The following NKAIN3 variants were observed in gnomAD, a reference collection of about 807,000 sequenced individuals.
NKAIN3 encodes sodium/potassium-transporting ATPase subunit beta-1-interacting protein 3.
A neutral mutation model predicts 30.2 loss-of-function variants in NKAIN3; 25 were observed. The ratio of observed to expected loss-of-function variants is 0.83; its 90% CI spans 0.60 to 1.16. The LOEUF (loss-of-function observed/expected upper bound fraction) is 1.16. Among genes scored for constraint, NKAIN3 ranks in the 50% most tolerant of loss-of-function variants. The pLI, the probability that NKAIN3 is intolerant of heterozygous loss-of-function variation, is 0.00. For synonymous variants in NKAIN3, 91 were observed against 89.6 expected (o/e 1.02, Z -0.09); for missense variants, 225 against 254.1 (o/e 0.89, Z 0.78).
intron 3 of NKAIN3, among the ~76,000 whole-genome samples, chr8:62,633,835 C>T (rs1388808624): frequency 6.6e-6 from 1 of 152,108 alleles, no homozygotes; most frequent in Non-Finnish European, 1.5e-5. Context: ...AGAAGGCAGC[C>T]ATTCCTACAA....
rs552642297 is a variant in NKAIN3 at position 62,789,844 on chromosome 8, C to G, written c.471+42715C>G. Reference sequence around the variant, plus strand: ...AATAGCATACCAATCAAAAAAAGTCCAAGGCCAGATGGATTCACAGCCGAA... The same window carrying G: ...AATAGCATACCAATCAAAAAAAGTCGAAGGCCAGATGGATTCACAGCCGAA... On this transcript the variant is annotated intron_variant, in intron 4 of 6. Coordinates refer to ENST00000623646, the MANE Select transcript of NKAIN3 (RefSeq NM_001304533.3). Among the ~76,000 whole-genome samples the G allele has an allele frequency of 2.6e-5, 4 of 152,134 alleles. No individual in the cohort carries two copies. The South Asian group carries it at 8.3e-4, about 32-fold the overall frequency.
chr8:62,507,184 A>C (rs983228347), intron 1 of NKAIN3, among the ~76,000 whole-genome samples: 1 of 152,186 alleles, frequency 6.6e-6, no homozygotes. Flanking sequence ...CAGTTTCACT[A>C]TACAAAATTG....
chr8:62,330,942 G>A (rs962205536), intron 1 of NKAIN3, among the ~76,000 whole-genome samples: 6 of 151,784 alleles, frequency 4.0e-5, no homozygotes, highest in African/African-American at 1.2e-4. Flanking sequence ...CAGTCCACAT[G>A]CTTTGGCTTG....
At chr8:62,525,025 G>T (rs532932314) in intron 1 of NKAIN3, among the ~76,000 whole-genome samples, 33 of 152,044 alleles carry the variant, frequency 2.2e-4, no homozygotes, top group Admixed American at 1.0e-3. Flanking sequence ...GGCTACTGTG[G>T]TAGGGGTTGG....
intron 1 of NKAIN3, among the ~76,000 whole-genome samples, chr8:62,371,176 C>T (rs183312620): frequency 2.0e-5 from 3 of 151,922 alleles, no homozygotes; most frequent in African/African-American, 7.2e-5. Context: ...GTTCAGACAA[C>T]ATATTTTGTT....
At chr8:62,903,229 G>C (rs1339702271) in intron 4 of NKAIN3, among the ~76,000 whole-genome samples, 1 of 152,166 alleles carries the variant, frequency 6.6e-6, no homozygotes, top group Admixed American at 6.5e-5. Flanking sequence ...GGGTGCCAGT[G>C]GGACTCTTAG....
At chr8:62,256,579 G>C (rs1026668986) in intron 1 of NKAIN3, among the ~76,000 whole-genome samples, 1 of 152,114 alleles carries the variant, frequency 6.6e-6, no homozygotes, top group Non-Finnish European at 1.5e-5. Context: ...ATCCTGAATA[G>C]GTCAGTCACT....
At chr8:62,806,312 C>G (rs968762489) in intron 4 of NKAIN3, among the ~76,000 whole-genome samples, 1 of 152,112 alleles carries the variant, frequency 6.6e-6, no homozygotes, top group Non-Finnish European at 1.5e-5. Flanking sequence ...GGGTATATAC[C>G]GAAAGGACTA....
chr8:62,834,191 G>T (rs1032311715), intron 4 of NKAIN3, among the ~76,000 whole-genome samples: 1 of 151,740 alleles, frequency 6.6e-6, no homozygotes, highest in South Asian at 2.1e-4. Flanking sequence ...TAGTAAGAAC[G>T]GTCTAAGAGA....
chr8:62,341,854 G>A (rs12114607), intron 1 of NKAIN3, among the ~76,000 whole-genome samples: 26,066 of 151,882 alleles, frequency 0.17, 2,467 homozygotes, highest in East Asian at 0.4. Flanking sequence ...AGATGACAAA[G>A]GCTAAGGAAA....
intron 1 of NKAIN3, among the ~76,000 whole-genome samples, chr8:62,360,625 A>G (rs1048377609): frequency 6.6e-6 from 1 of 152,130 alleles, no homozygotes; most frequent in African/African-American, 2.4e-5. Flanking sequence ...TTCTGTAGAT[A>G]CCTGTCAGGT....
chr8:62,659,666 G>T (rs1010679908), intron 3 of NKAIN3, among the ~76,000 whole-genome samples: 2 of 152,112 alleles, frequency 1.3e-5, no homozygotes, highest in Non-Finnish European at 2.9e-5. Context: ...GTGAGAACAG[G>T]TTTGACCATG....
chr8:62,700,025 T>G (rs1586103597), intron 3 of NKAIN3, among the ~76,000 whole-genome samples: 1 of 152,056 alleles, frequency 6.6e-6, no homozygotes, highest in Non-Finnish European at 1.5e-5. Context: ...AGCTACTGGG[T>G]AAGCTAAAGT....
At chr8:62,856,972 C>A (rs1163022959) in intron 4 of NKAIN3, 16 of 531,436 alleles carry the variant, frequency 3.0e-5, no homozygotes, top group African/African-American at 1.6e-4. Context: ...AAAAAAAAAA[C>A]AAACTATCTC....
intron 4 of NKAIN3, among the ~76,000 whole-genome samples, chr8:62,878,040 CAAA>C (rs34421488): frequency 1.8e-5 from 2 of 113,734 alleles, no homozygotes; most frequent in Non-Finnish European, 1.7e-5. Context: ...AACTCCATCT[CAAA>C]AAAAAAAAAA....
At chr8:62,316,600 A>T (rs1285308618) in intron 1 of NKAIN3, among the ~76,000 whole-genome samples, 1 of 152,152 alleles carries the variant, frequency 6.6e-6, no homozygotes, top group African/African-American at 2.4e-5. Context: ...TCTACAAAGG[A>T]TATGAACTCA....
At chr8:62,379,200 TG>T (rs1438071859) in intron 1 of NKAIN3, among the ~76,000 whole-genome samples, 3 of 152,242 alleles carry the variant, frequency 2.0e-5, no homozygotes, top group South Asian at 2.1e-4. Context: ...CCACTTGTAG[TG>T]GGTGTATTTA....
chr8:62,311,274 G>C (rs895959118), intron 1 of NKAIN3, among the ~76,000 whole-genome samples: 1 of 150,352 alleles, frequency 6.7e-6, no homozygotes, highest in Admixed American at 6.6e-5. Flanking sequence ...GCAGAGACGG[G>C]TACTGGGTAA....
intron 1 of NKAIN3, among the ~76,000 whole-genome samples, chr8:62,538,363 A>G (rs887434365): frequency 4.6e-5 from 7 of 152,172 alleles, no homozygotes; most frequent in Admixed American, 1.3e-4. Context: ...TTTGGCAGAA[A>G]TGGGTTTCAC....
Sources: allele counts gnomAD v4.1 joint callset (sites outside exome capture counted in the v4.1 genomes callset), GRCh38; gene constraint gnomAD v4.1.1; transcripts MANE v1.5; gene names NCBI Gene and HGNC (gene_info 2026-07-23, HGNC 2026-07-21).